The following ITPR1 variants were observed in gnomAD, a reference collection of about 807,000 sequenced individuals.
ITPR1 encodes the protein inositol 1,4,5-trisphosphate-gated calcium channel ITPR1.
Under a neutral mutation model 318.4 loss-of-function variants are expected in ITPR1, and 96 were observed. That is an observed-to-expected ratio of 0.30 (90% confidence interval 0.26 to 0.36). The LOEUF (loss-of-function observed/expected upper bound fraction) is 0.36, where lower values mean the gene tolerates loss of function less well. Among genes scored for constraint, ITPR1 ranks in the 10% least tolerant of loss-of-function variants. The pLI is 1.00. For missense variants in ITPR1, 2,440 were observed against 3,460.2 expected (o/e 0.71, Z 7.40); for synonymous variants, 1,312 against 1,289.9 (o/e 1.02, Z -0.37).
intron 4 of ITPR1, among the ~76,000 whole-genome samples, chr3:4,602,009 G>T (rs1388809153): frequency 6.6e-6 from 1 of 152,192 alleles, no homozygotes; most frequent in African/African-American, 2.4e-5. Context: ...AAATCCCTAG[G>T]ATGGCTAGAG....
At chr3:4,658,013 C>T (rs2093751599) in intron 12 of ITPR1, 111 bp from the exon 13 acceptor site, 11 of 1,052,826 alleles carry the variant, frequency 1.0e-5, no homozygotes, top group Non-Finnish European at 5.6e-6. Flanking sequence ...TTCCTGCCAA[C>T]TGCTGACATT....
chr3:4,649,837 G>T (rs2093554168), intron 10 of ITPR1, among the ~76,000 whole-genome samples: 1 of 152,194 alleles, frequency 6.6e-6, no homozygotes, highest in African/African-American at 2.4e-5. Flanking sequence ...AAAGAGAGGG[G>T]ACTTTCTGGG....
chr3:4,616,490 A>AG (rs1390773785), intron 4 of ITPR1, among the ~76,000 whole-genome samples: 2 of 152,192 alleles, frequency 1.3e-5, no homozygotes, highest in Non-Finnish European at 2.9e-5. Context: ...CTTTTCAAAA[A>AG]CAGGAAAAGA....
chr3:4,746,215 C>T (rs1161539465), intron 44 of ITPR1, among the ~76,000 whole-genome samples: 1 of 152,236 alleles, frequency 6.6e-6, no homozygotes, highest in Non-Finnish European at 1.5e-5. Context: ...GCATTTCTCT[C>T]TTCCACGCGG....
At chr3:4,607,343 G>A (rs370293627) in intron 4 of ITPR1, among the ~76,000 whole-genome samples, 2 of 152,168 alleles carry the variant, frequency 1.3e-5, no homozygotes, top group East Asian at 3.8e-4. Flanking sequence ...GTGTTTCTCA[G>A]AGTGTGGTTG....
At chr3:4,534,093 A>T (rs1285423061) in intron 4 of ITPR1, among the ~76,000 whole-genome samples, 1 of 152,214 alleles carries the variant, frequency 6.6e-6, no homozygotes, top group African/African-American at 2.4e-5. Flanking sequence ...CATTTGCAGA[A>T]GGAATGTCCA....
At chr3:4,669,883 G>T in intron 19 of ITPR1, 110 bp downstream of exon 19, 1 of 1,116,560 alleles carries the variant, frequency 9.0e-7, no homozygotes, top group Non-Finnish European at 1.2e-6. Context: ...TAAAGTCAGT[G>T]TGGCTGGCAT....
intron 12 of ITPR1, among the ~76,000 whole-genome samples, chr3:4,654,945 C>T (rs995193861): frequency 7.2e-5 from 11 of 151,962 alleles, no homozygotes; most frequent in South Asian, 2.1e-4. Flanking sequence ...CTGGGGTACC[C>T]GAGGCTCACC....
chr3:4,843,704 C>T (rs1193456109), intron 61 of ITPR1, among the ~76,000 whole-genome samples: 2 of 152,150 alleles, frequency 1.3e-5, no homozygotes, highest in Non-Finnish European at 2.9e-5. Context: ...CAATAACCCA[C>T]ATCAGTGGGG....
At chr3:4,607,298 G>A (rs1402981642) in intron 4 of ITPR1, among the ~76,000 whole-genome samples, 1 of 152,154 alleles carries the variant, frequency 6.6e-6, no homozygotes, top group Non-Finnish European at 1.5e-5. Flanking sequence ...AGTTTGAGAA[G>A]CGCTGTTGTT....
chr3:4,636,017 T>C (rs1031985554), intron 5 of ITPR1, among the ~76,000 whole-genome samples: 1 of 152,078 alleles, frequency 6.6e-6, no homozygotes, highest in South Asian at 2.1e-4. Flanking sequence ...TTCGCCACCA[T>C]GCCCAGCTAA....
chr3:4,807,677 G>T (rs1222195991), intron 55 of ITPR1, among the ~76,000 whole-genome samples: 1 of 152,212 alleles, frequency 6.6e-6, no homozygotes, highest in Non-Finnish European at 1.5e-5. Flanking sequence ...AAAGGGAATG[G>T]ATTCTTTTCC....
chr3:4,553,630 CCTT>C (rs1195708486), intron 4 of ITPR1, among the ~76,000 whole-genome samples: 7 of 145,002 alleles, frequency 4.8e-5, no homozygotes, highest in African/African-American at 1.3e-4. Context: ...GACAGAGTCT[CCTT>C]CTTGTCGCCC....
At chr3:4,528,763 G>A (rs1258375670) in intron 4 of ITPR1, among the ~76,000 whole-genome samples, 5 of 152,230 alleles carry the variant, frequency 3.3e-5, no homozygotes, top group African/African-American at 1.2e-4. Flanking sequence ...AAGGTTTCAA[G>A]AGTGTGTGCA....
chr3:4,577,677 C>A (rs907836207), intron 4 of ITPR1, among the ~76,000 whole-genome samples: 3 of 152,156 alleles, frequency 2.0e-5, no homozygotes, highest in East Asian at 1.9e-4. Context: ...AGAAAAACAA[C>A]TTTATGATGG....
In ITPR1 at chr3:4,687,271, G is replaced by A. The variant is rs563526982; in HGVS notation, c.3703-1224G>A. ...CTTGCCCTTTAAGAAAAAGCTTGCT[G>A]ACCTCAGTCTAGCCCGGAACCAAAA... is the stretch of plus-strand genomic sequence containing the variant. On this transcript the variant is annotated intron_variant, in intron 30 of 61. Transcript: ENST00000649015. Among the ~76,000 whole-genome samples the A allele has an allele frequency of 5.0e-4, 76 of 152,316 alleles. 1 individual carries two copies. The highest frequency in any genetic ancestry group is 1.8e-3 in the African/African-American group (75 of 41,568).
chr3:4,547,791 C>T (rs1236817697), intron 4 of ITPR1, among the ~76,000 whole-genome samples: 1 of 152,158 alleles, frequency 6.6e-6, no homozygotes. Context: ...TCAAAACCAC[C>T]CTTGCCCTTC....
At chr3:4,604,817 C>T (rs1361647451) in intron 4 of ITPR1, among the ~76,000 whole-genome samples, 1 of 152,066 alleles carries the variant, frequency 6.6e-6, no homozygotes, top group Non-Finnish European at 1.5e-5. Flanking sequence ...GGCTTATGTC[C>T]AAAATGCCTA....
intron 3 of ITPR1, among the ~76,000 whole-genome samples, chr3:4,517,756 C>A (rs1031568604): frequency 6.6e-6 from 1 of 152,182 alleles, no homozygotes; most frequent in Non-Finnish European, 1.5e-5. Context: ...GGCAAAGAGG[C>A]CTCCTTCTGC....
Sources: allele counts gnomAD v4.1 joint callset (sites outside exome capture counted in the v4.1 genomes callset), GRCh38; gene constraint gnomAD v4.1.1; transcripts MANE v1.5; gene names NCBI Gene and HGNC (gene_info 2026-07-23, HGNC 2026-07-21).